Variants in KCNQ5 observed in about 807,000 individuals in gnomAD.
KCNQ5 encodes potassium voltage-gated channel subfamily Q member 5, also known as potassium voltage-gated channel subfamily KQT member 5.
Under a neutral mutation model 98.2 loss-of-function variants are expected in KCNQ5, and 30 were observed. The observed-to-expected ratio is 0.31, with a 90% confidence interval of 0.23 to 0.41. The LOEUF is 0.41. Ranked by LOEUF, KCNQ5 falls within the 10% of genes least tolerant of loss-of-function variation. KCNQ5 has a pLI of 1.00. For synonymous variants in KCNQ5, 458 were observed against 449.4 expected (o/e 1.02, Z -0.24); for missense variants, 835 against 1,182.5 (o/e 0.71, Z 4.31).
At chr6:72,793,162 C>T (rs796614711) in intron 1 of KCNQ5, among the ~76,000 whole-genome samples, 14 of 152,362 alleles carry the variant, frequency 9.2e-5, no homozygotes, top group African/African-American at 3.1e-4. Context: ...TTGTAATCAT[C>T]TGAACTTAAG....
chr6:72,821,860 T>C (rs899615216), intron 1 of KCNQ5, among the ~76,000 whole-genome samples: 6 of 152,026 alleles, frequency 3.9e-5, no homozygotes, highest in Non-Finnish European at 8.8e-5. Flanking sequence ...CTCTATGTAG[T>C]GATTTCTAGT....
intron 1 of KCNQ5, among the ~76,000 whole-genome samples, chr6:72,767,498 A>G (rs1056431987): frequency 1.3e-5 from 2 of 152,008 alleles, no homozygotes; most frequent in Admixed American, 6.6e-5. Context: ...TGATTTCATC[A>G]AAGTTAAAAA....
At chr6:73,105,415 C>T (rs780904289) in intron 6 of KCNQ5, 48 bp downstream of exon 6, 5 of 1,139,464 alleles carry the variant, frequency 4.4e-6, no homozygotes, top group Non-Finnish European at 6.4e-6. Context: ...ATCTTAGAGA[C>T]TTATTAGAGT....
intron 1 of KCNQ5, among the ~76,000 whole-genome samples, chr6:72,930,714 C>A (rs989881933): frequency 6.6e-6 from 1 of 151,888 alleles, no homozygotes; most frequent in Non-Finnish European, 1.5e-5. Flanking sequence ...ACATTAATTG[C>A]TTTCATAAGT....
chr6:72,919,621 G>A (rs1284842246), intron 1 of KCNQ5, among the ~76,000 whole-genome samples: 1 of 151,996 alleles, frequency 6.6e-6, no homozygotes, highest in Non-Finnish European at 1.5e-5. Context: ...CACAGTCTAT[G>A]CTCTTAGTTA....
rs557511726 is a variant in KCNQ5, at chr6:72,934,352, CGGT to C, written c.399-69546_399-69544del. Among the ~76,000 whole-genome samples the C allele has an allele frequency of 1.1e-3, 167 of 151,960 alleles. 2 individuals carry two copies. The highest frequency in any genetic ancestry group is 3.9e-3 in the African/African-American group (161 of 41,444). Reference sequence around the variant, plus strand: ...AAAAGGAAGATAATGATGTTGATGACGGTGGTGGTGGTAATGATGATAATGGTG... The same window carrying C: ...AAAAGGAAGATAATGATGTTGATGACGGTGGTGGTAATGATGATAATGGTG... On this transcript the variant is annotated intron_variant, in intron 1 of 13. Coordinates refer to ENST00000370398, the MANE Select transcript of KCNQ5 (RefSeq NM_019842.4).
chr6:72,913,403 T>C (rs2150208189), intron 1 of KCNQ5, among the ~76,000 whole-genome samples: 1 of 152,204 alleles, frequency 6.6e-6, no homozygotes, highest in East Asian at 1.9e-4. Context: ...AGAGCAGTGG[T>C]TCCCATTTGT....
At chr6:73,106,049 G>A (rs559208597) in intron 6 of KCNQ5, among the ~76,000 whole-genome samples, 2 of 152,248 alleles carry the variant, frequency 1.3e-5, no homozygotes, top group East Asian at 1.9e-4. Context: ...TCCATCTGGG[G>A]TAGGGAAGGA....
At chr6:73,075,505 G>T (rs1331002216) in intron 3 of KCNQ5, among the ~76,000 whole-genome samples, 44 of 152,308 alleles carry the variant, frequency 2.9e-4, no homozygotes, top group Admixed American at 2.9e-3. Context: ...ACAAGTGTGA[G>T]CCACTGCGCC....
At chr6:73,051,727 A>C (rs1440083229) in intron 3 of KCNQ5, among the ~76,000 whole-genome samples, 1 of 150,528 alleles carries the variant, frequency 6.6e-6, no homozygotes, top group African/African-American at 2.5e-5. Flanking sequence ...AAAAAAAAAA[A>C]AAAAAAAAAA....
intron 1 of KCNQ5, among the ~76,000 whole-genome samples, chr6:72,976,771 A>C (rs926012948): frequency 2.0e-5 from 3 of 152,218 alleles, no homozygotes; most frequent in Non-Finnish European, 2.9e-5. Context: ...TTATTTAGGC[A>C]GCTTCAAATA....
intron 10 of KCNQ5, among the ~76,000 whole-genome samples, chr6:73,154,140 A>AG (rs991056036): frequency 2.0e-5 from 3 of 152,064 alleles, no homozygotes; most frequent in African/African-American, 7.2e-5. Flanking sequence ...TCTACAGCCT[A>AG]AAAAAAATGT....
At chr6:73,071,551 C>T (rs1773300112) in intron 3 of KCNQ5, among the ~76,000 whole-genome samples, 1 of 152,176 alleles carries the variant, frequency 6.6e-6, no homozygotes, top group East Asian at 1.9e-4. Flanking sequence ...GTACAAAAAG[C>T]ATGGTGCCTG....
chr6:73,006,132 A>G (rs1769802395), intron 2 of KCNQ5, among the ~76,000 whole-genome samples: 1 of 152,206 alleles, frequency 6.6e-6, no homozygotes, highest in African/African-American at 2.4e-5. Flanking sequence ...GAAGATTTGG[A>G]AAAGTCAATC....
chr6:72,955,569 A>T (rs1186059151), intron 1 of KCNQ5, among the ~76,000 whole-genome samples: 1 of 152,208 alleles, frequency 6.6e-6, no homozygotes, highest in Non-Finnish European at 1.5e-5. Flanking sequence ...ATTCTAGGTG[A>T]TTTAATCCAC....
intron 1 of KCNQ5, among the ~76,000 whole-genome samples, chr6:72,673,832 G>C (rs775538442): frequency 6.6e-6 from 1 of 152,204 alleles, no homozygotes; most frequent in Admixed American, 6.5e-5. Context: ...AGGGTCACCA[G>C]ATTGGACAAT....
In KCNQ5 at chr6:73,133,541, C is replaced by A; in HGVS notation, c.1368C>A (p.Gly456=). 6.2e-7 allele frequency: 1 copy of A among 1,614,194 alleles called. No homozygotes were observed. Among genetic ancestry groups the A allele is most frequent in the East Asian group, 2.2e-5 (1 of 44,886 alleles). The change falls in exon 10 of 14, where the codon GGC becomes GGA. Residue 456 remains glycine, a synonymous_variant. Transcript: ENST00000370398. The stretch of plus-strand genomic sequence containing the variant: ...CAAGCACCGACATCACAGCCGAGGG[C>A]AGTCCCACCAAAGTGCAGAAGAGCT... ...RSPSTDITAE[G]SPTKVQKSWS...
chr6:73,163,166 A>C (rs1488933933), intron 10 of KCNQ5, among the ~76,000 whole-genome samples: 1 of 151,902 alleles, frequency 6.6e-6, no homozygotes, highest in East Asian at 1.9e-4. Flanking sequence ...AAGTGGGAGG[A>C]TCATTTGAGA....
At chr6:73,010,119 C>T (rs916288768) in intron 2 of KCNQ5, among the ~76,000 whole-genome samples, 10 of 151,896 alleles carry the variant, frequency 6.6e-5, no homozygotes, top group African/African-American at 9.7e-5. Context: ...ACAAAATGCT[C>T]GTATATTTAC....
Sources: allele counts gnomAD v4.1 joint callset (sites outside exome capture counted in the v4.1 genomes callset), GRCh38; gene constraint gnomAD v4.1.1; transcripts MANE v1.5; gene names NCBI Gene and HGNC (gene_info 2026-07-23, HGNC 2026-07-21).